MATK: variants seen among roughly 807,000 people sequenced by gnomAD.
MATK encodes the protein megakaryocyte-associated tyrosine-protein kinase.
Under a neutral mutation model 59.8 loss-of-function variants are expected in MATK, and 41 were observed. The observed-to-expected ratio is 0.69, with a 90% confidence interval of 0.53 to 0.89. The LOEUF is 0.89. Among genes scored for constraint, MATK ranks in the 40% least tolerant of loss-of-function variants. The pLI is 0.00. For synonymous variants in MATK, 308 were observed against 306.1 expected (o/e 1.01, Z -0.06); for missense variants, 593 against 719.6 (o/e 0.82, Z 2.01).
At chr19:3,783,723 G>C in intron 6 of MATK, 91 bp downstream of exon 6, 1 of 1,214,198 alleles carries the variant, frequency 8.2e-7, no homozygotes, top group South Asian at 1.4e-5. Flanking sequence ...GAGGTCAGGT[G>C]ACCCGCCCCT....
chr19:3,794,078 G>C (rs1236412575), intron 1 of MATK, among the ~76,000 whole-genome samples: 1 of 151,962 alleles, frequency 6.6e-6, no homozygotes, highest in South Asian at 2.1e-4. Flanking sequence ...CCTTCCCCCA[G>C]CTCTTCTCAA....
rs778726488 is a variant in MATK, at chr19:3,778,199, C to T, written c.1508G>A (p.Arg503Gln). The T allele has an allele frequency of 2.2e-5, 35 of 1,562,444 alleles. No homozygotes were observed. Among genetic ancestry groups the T allele is most frequent in the Admixed American group, 6.4e-5 (3 of 46,554 alleles). Residue 503 changes from arginine (R) to glutamine (Q), a missense_variant, in exon 14 of 14, where the codon CGA becomes CAA. By Grantham distance (43) the Arg-to-Gln change is conservative. Transcript: ENST00000310132. ...GQDADGSTSP[R>Q]SQEP is the part of the protein sequence containing the mutation. Reference sequence around the variant, plus strand: ...CGGGTGGGGTCAGGGCTCCTGGCTTCGGGGCGAGGTGGAGCCGTCGGCGTC... The same window carrying T: ...CGGGTGGGGTCAGGGCTCCTGGCTTTGGGGCGAGGTGGAGCCGTCGGCGTC...
At chr19:3,788,479 G>A (rs2037510312), upstream of MATK, among the ~76,000 whole-genome samples, 1 of 151,874 alleles carries the variant, frequency 6.6e-6, no homozygotes, top group South Asian at 2.1e-4. Flanking sequence ...AATTAGTCTG[G>A]TGTGGTGGTG....
chr19:3,788,144 T>TATATTATATA (rs1555749253), upstream of MATK, among the ~76,000 whole-genome samples: 1 of 139,400 alleles, frequency 7.2e-6, no homozygotes, highest in Non-Finnish European at 1.6e-5. Flanking sequence ...TATATTATAT[T>TATATTATATA]ATATACCTGG....
At position 3,779,151 on chromosome 19, in the gene MATK, C is replaced by T. The variant is rs550252601; in HGVS notation, c.1038G>A (p.Lys346=). The T allele has an allele frequency of 1.5e-5, 24 of 1,606,324 alleles. 1 individual carries two copies. In the South Asian group the frequency reaches 2.5e-4, roughly 17 times the overall value. The change falls in exon 12 of 14, where the codon AAG becomes AAA. Residue 346 remains lysine (K), a synonymous_variant. Transcript: ENST00000310132. Reference sequence around the variant, plus strand: ...CGGCCAGGTCGCGGTGCACAAGCTTCTTGCTCTCCAGGTACTCCATGCCCT... The same window carrying T: ...CGGCCAGGTCGCGGTGCACAAGCTTTTTGCTCTCCAGGTACTCCATGCCCT... ...VAEGMEYLES[K]KLVHRDLAAR...
intron 1 of MATK, among the ~76,000 whole-genome samples, chr19:3,795,751 CTTTTTT>C (rs530367941): frequency 7.3e-5 from 4 of 54,786 alleles, no homozygotes; most frequent in South Asian, 1.2e-3. Context: ...TAAGTAGGTG[CTTTTTT>C]TTTTTTTTTT....
chr19:3,784,765 G>T (rs1351843928), intron 3 of MATK, 60 bp downstream of exon 3: 2 of 1,233,028 alleles, frequency 1.6e-6, no homozygotes, highest in African/African-American at 1.5e-5. Flanking sequence ...GGGGTCTCAG[G>T]GTGTGGACGG....
chr19:3,796,676 C>T lies in MATK; in HGVS notation c.-58+4856G>A, dbSNP rs77141519. Among the ~76,000 whole-genome samples, 773 of 152,218 alleles carry T rather than the reference C, an allele frequency of 5.1e-3. 5 individuals are homozygous for T. The highest frequency in any genetic ancestry group is 8.1e-3 in the Admixed American group (123 of 15,266). On this transcript the variant is annotated intron_variant, in intron 1 of 13. Coordinates refer to the MATK transcript ENST00000395045. Reference sequence around the variant, plus strand: ...CTACTGCCCAGCTGTGATCCTGGCCCCTCTCTTCTTCGGCACAAGGGGATT... The same window carrying T: ...CTACTGCCCAGCTGTGATCCTGGCCTCTCTCTTCTTCGGCACAAGGGGATT...
intron 1 of MATK, among the ~76,000 whole-genome samples, chr19:3,792,840 T>G (rs1269462972): frequency 4.6e-5 from 7 of 152,112 alleles, no homozygotes; most frequent in African/African-American, 1.7e-4. Flanking sequence ...TTTCTGAACC[T>G]GGAGGACAGG....
chr19:3,786,323 G>A lies in MATK; in HGVS notation c.-306C>T. ...GGGCGAAGAAGGGTCGGGGAGTGGGGGAAAGCGGGAGGCGCCGCGGCCTGG... is the reference window on the plus strand; with the variant it reads ...GGGCGAAGAAGGGTCGGGGAGTGGGAGAAAGCGGGAGGCGCCGCGGCCTGG... On this transcript the variant is annotated 5_prime_UTR_variant, in exon 1 of 14. Transcript: ENST00000310132. This position sits in a 1 kb window ranked among gnomAD's most constrained non-coding sequence, Gnocchi z 4.1. The A allele has an allele frequency of 1.5e-5, 15 of 984,672 alleles. No individual in the cohort carries two copies. Among genetic ancestry groups the A allele is most frequent in the Non-Finnish European group, 1.8e-5 (15 of 829,700 alleles). 61.0% of individuals were successfully genotyped at this position (984,672 alleles called of 1,614,324 possible).
At position 3,779,760 on chromosome 19, in the gene MATK, G is replaced by A. The variant is rs369930802; in HGVS notation, c.780C>T (p.Ala260=). 101 of 1,612,928 alleles carry A rather than the reference G, an allele frequency of 6.3e-5. No individual in the cohort carries two copies. Among genetic ancestry groups the A allele is most frequent in the Non-Finnish European group, 6.1e-5 (72 of 1,179,978 alleles). ...LQGEYLGQKV[A]VKNIKCDVTA... is the part of the protein sequence containing the mutation. ...TCACATCACACTTGATATTCTTCAC[G>A]GCCACCTTTTGCCCCAGGTACTCAC... The change falls in exon 9 of 14, where the codon GCC becomes GCT. Residue 260 remains alanine (A), a synonymous_variant. Coordinates refer to ENST00000310132, the MANE Select transcript of MATK (RefSeq NM_139355.3).
In MATK at chr19:3,779,395, C is replaced by G; in HGVS notation, c.984G>C (p.Gln328His). Residue 328 changes from glutamine to histidine, a missense_variant, in exon 11 of 14, where the codon CAG becomes CAC. Gln to His is a conservative substitution (Grantham distance 24). Transcript: ENST00000310132. ...TRGRALVNTA[Q>H]LLQFSLHVAE... ...CCACTTACAGAGAAAACTGCAGGAG[C>G]TGAGCGGTGTTCACGAGGGCTCGAC... 2 of 1,613,340 alleles carry G rather than the reference C, an allele frequency of 1.2e-6. No homozygotes were observed. Among genetic ancestry groups the G allele is most frequent in the South Asian group, 1.1e-5 (1 of 91,082 alleles).
chr19:3,784,523 G>T, intron 3 of MATK, 72 bp from the exon 4 acceptor site: 1 of 1,067,748 alleles, frequency 9.4e-7, no homozygotes, highest in Non-Finnish European at 1.4e-6. Context: ...CACGGGAGGG[G>T]AAAGAGGACA....
At chr19:3,779,662 C>A in intron 9 of MATK, 36 bp downstream of exon 9, 11 of 1,610,678 alleles carry the variant, frequency 6.8e-6, no homozygotes, top group Non-Finnish European at 9.3e-6. Context: ...GGGACCCCCC[C>A]CGTCCCACGG....
chr19:3,788,097 TTTATATTATA>T (rs71166928), upstream of MATK, among the ~76,000 whole-genome samples: 2,135 of 133,722 alleles, frequency 0.016, 19 homozygotes, highest in East Asian at 0.032. Context: ...ATTATTAATA[TTTATATTATA>T]TTATATTATA....
At chr19:3,795,563 C>T (rs1250986501) in intron 1 of MATK, among the ~76,000 whole-genome samples, 3 of 151,100 alleles carry the variant, frequency 2.0e-5, no homozygotes, top group Admixed American at 6.6e-5. Flanking sequence ...CCACCATGCC[C>T]GGCCTCATAT....
Position 3,779,166 on chromosome 19 carries a change from C to A in MATK, c.1023G>T (p.Glu341Asp). ...GCACAAGCTTCTTGCTCTCCAGGTA[C>A]TCCATGCCCTCGGCCACGTGCCTGG... ...QFSLHVAEGMEYLESKKLVHR... is the reference protein window; with the variant it reads ...QFSLHVAEGMDYLESKKLVHR... The change falls in exon 12 of 14, where the codon GAG (glutamate) becomes GAT (aspartate). Residue 341 changes from glutamate (E) to aspartate (D), a missense_variant. Physicochemically the swap from Glu to Asp is conservative, Grantham distance 45. Transcript: ENST00000310132. 6.3e-7 allele frequency: 1 copy of A among 1,596,912 alleles called. No homozygotes were observed.
At chr19:3,798,436 T>C (rs1001159447) in intron 1 of MATK, among the ~76,000 whole-genome samples, 1 of 152,222 alleles carries the variant, frequency 6.6e-6, no homozygotes, top group Non-Finnish European at 1.5e-5. Flanking sequence ...GCTTTTCTCA[T>C]AGCCTGGCAT....
intron 1 of MATK, among the ~76,000 whole-genome samples, chr19:3,793,562 T>C (rs1009097164): frequency 4.8e-4 from 73 of 151,978 alleles, no homozygotes; most frequent in Non-Finnish European, 5.6e-4. Context: ...ATTAGCCAGG[T>C]GTGGTGGCGG....
Sources: gnomAD v4.1 joint callset for allele counts (sites outside exome capture counted in the v4.1 genomes callset) on GRCh38, gnomAD v4.1.1 for gene constraint, Gnocchi (gnomAD v3.1) non-coding constraint, MANE v1.5 for transcripts, NCBI Gene and HGNC (gene_info 2026-07-23, HGNC 2026-07-21) for gene names.